CHODL: variants seen among roughly 807,000 people sequenced by gnomAD.
CHODL encodes transmembrane protein MT75.
Under a neutral mutation model 34.5 loss-of-function variants are expected in CHODL, and 29 were observed. The observed-to-expected ratio is 0.84, with a 90% CI of 0.63 to 1.15. CHODL has a LOEUF of 1.15. Ranked by LOEUF, CHODL falls within the 50% of genes most tolerant of loss-of-function variation. CHODL has a pLI of 0.00. For synonymous variants in CHODL, 125 were observed against 116.1 expected, an observed-to-expected ratio of 1.08 and a Z score of -0.49; for missense variants, 332 against 332.5, an observed-to-expected ratio of 1.00 and a Z score of 0.01.
At chr21:18,053,290 A>C (rs374758796) in intron 2 of CHODL, among the ~76,000 whole-genome samples, 4 of 152,090 alleles carry the variant, frequency 2.6e-5, no homozygotes. Context: ...AAAGAACCAT[A>C]GGATCTTTAC....
chr21:18,259,581 T>A (rs908857285), intron 3 of CHODL, among the ~76,000 whole-genome samples: 1 of 152,170 alleles, frequency 6.6e-6, no homozygotes, highest in Non-Finnish European at 1.5e-5. Flanking sequence ...TCTATAAAAC[T>A]AGGGAAAGAA....
intron 2 of CHODL, among the ~76,000 whole-genome samples, chr21:18,064,513 C>T (rs60328565): frequency 0.012 from 1,758 of 152,276 alleles, 38 homozygotes; most frequent in African/African-American, 0.039. Flanking sequence ...TGTCTGATTG[C>T]TTTGAACTGG....
chr21:18,248,819 A>G (rs1288438686), intron 1 of CHODL, among the ~76,000 whole-genome samples: 2 of 118,536 alleles, frequency 1.7e-5, no homozygotes, highest in African/African-American at 7.2e-5. Flanking sequence ...TATGTATATT[A>G]TATATGTATG....
rs150066475 is a variant in CHODL at position 17,929,515 on chromosome 21, A to G, written c.-145+12115A>G. On this transcript the variant is annotated intron_variant, in intron 1 of 6. Coordinates refer to the CHODL transcript ENST00000400127. The stretch of plus-strand genomic sequence containing the variant: ...CGGAATTCATCAGAGAAGTGATGGG[A>G]ATTATGGAAAGCAAAGAAAGGTGAA... Among the ~76,000 whole-genome samples the G allele has an allele frequency of 7.6e-3, 1,155 of 152,306 alleles. 18 individuals are homozygous for G. Among genetic ancestry groups the G allele is most frequent in the African/African-American group, 0.026 (1,075 of 41,558 alleles).
At position 18,176,286 on chromosome 21, in the gene CHODL, C is replaced by T. The variant is rs558898932; in HGVS notation, c.-44-80223C>T. 6.6e-5 allele frequency among the ~76,000 whole-genome samples: 10 copies of T among 152,208 alleles called. No individual in the cohort carries two copies. In the East Asian group the frequency reaches 9.6e-4, roughly 15 times the overall value. ...AGTGTGAGGTCAGCTACTCTAGGTC[C>T]ATTATTAGGGATACAGTTAAGACCT... On this transcript the variant is annotated intron_variant, in intron 2 of 6. Coordinates refer to the CHODL transcript ENST00000400127.
chr21:18,043,380 G>A (rs73325238), intron 2 of CHODL, among the ~76,000 whole-genome samples: 7,574 of 151,990 alleles, frequency 0.05, 594 homozygotes, highest in African/African-American at 0.17. Flanking sequence ...ATGAATAGAG[G>A]ATATATATGC....
At chr21:18,191,016 G>C (rs560083048) in intron 2 of CHODL, among the ~76,000 whole-genome samples, 1 of 152,226 alleles carries the variant, frequency 6.6e-6, no homozygotes, top group African/African-American at 2.4e-5. Flanking sequence ...TGAGATATTT[G>C]TGTCAACCCA....
chr21:18,143,467 C>A lies in CHODL; in HGVS notation c.-44-113042C>A, dbSNP rs2205307. On this transcript the variant is annotated intron_variant, in intron 2 of 6. Coordinates refer to the CHODL transcript ENST00000400127. Reference sequence around the variant, plus strand: ...CTTGTCTATTTCTGTCAATGGGTACCGTTGAAAATAAATTGTGTTTAAAAA... The same window carrying A: ...CTTGTCTATTTCTGTCAATGGGTACAGTTGAAAATAAATTGTGTTTAAAAA... 7.2e-5 allele frequency among the ~76,000 whole-genome samples: 11 copies of A among 151,912 alleles called. 1 individual carries two copies. In the South Asian group the frequency reaches 2.3e-3, roughly 31 times the overall value.
At chr21:18,144,014 A>G (rs1047593358) in intron 2 of CHODL, among the ~76,000 whole-genome samples, 24 of 152,118 alleles carry the variant, frequency 1.6e-4, no homozygotes, top group African/African-American at 5.1e-4. Context: ...AGAACTTGCA[A>G]CATTGGTCTA....
At chr21:18,138,908 G>A (rs996994941) in intron 2 of CHODL, among the ~76,000 whole-genome samples, 2 of 152,136 alleles carry the variant, frequency 1.3e-5, no homozygotes, top group African/African-American at 2.4e-5. Flanking sequence ...ATTTCTTGGA[G>A]CAGGGCACTC....
At chr21:18,163,289 C>A (rs1235340038) in intron 2 of CHODL, among the ~76,000 whole-genome samples, 6 of 152,184 alleles carry the variant, frequency 3.9e-5, no homozygotes, top group Non-Finnish European at 8.8e-5. Flanking sequence ...TTTCTCTAAA[C>A]TTGCTTCTTA....
chr21:18,166,884 C>T (rs1399295922), intron 2 of CHODL, among the ~76,000 whole-genome samples: 1 of 152,036 alleles, frequency 6.6e-6, no homozygotes, highest in Non-Finnish European at 1.5e-5. Flanking sequence ...CCATCTTATA[C>T]TTTGAGTGTT....
At chr21:18,100,380 G>C (rs2065198489) in intron 2 of CHODL, among the ~76,000 whole-genome samples, 1 of 152,082 alleles carries the variant, frequency 6.6e-6, no homozygotes, top group South Asian at 2.1e-4. Context: ...GTGGTTGGTG[G>C]AGTAAATAAC....
intron 1 of CHODL, among the ~76,000 whole-genome samples, chr21:17,978,350 A>C (rs994037837): frequency 6.7e-6 from 1 of 149,706 alleles, no homozygotes; most frequent in Non-Finnish European, 1.5e-5. Flanking sequence ...TGAACCTGGC[A>C]GGCGGAGCTT....
intron 2 of CHODL, among the ~76,000 whole-genome samples, chr21:18,171,585 G>C (rs2073232610): frequency 6.6e-6 from 1 of 151,986 alleles, no homozygotes; most frequent in South Asian, 2.1e-4. Context: ...GATATCATTA[G>C]GGACAGTTTC....
At chr21:18,253,784 A>C (rs1046552077) in intron 1 of CHODL, among the ~76,000 whole-genome samples, 1 of 152,100 alleles carries the variant, frequency 6.6e-6, no homozygotes, top group Non-Finnish European at 1.5e-5. Context: ...ATGGTCATTC[A>C]TACTAATATG....
intron 2 of CHODL, among the ~76,000 whole-genome samples, chr21:18,046,270 A>G (rs994998292): frequency 6.6e-6 from 1 of 151,948 alleles, no homozygotes; most frequent in Non-Finnish European, 1.5e-5. Flanking sequence ...ATATTAAGCT[A>G]GAGAATTCTT....
At chr21:18,036,833 GA>G (rs2064317134) in intron 2 of CHODL, among the ~76,000 whole-genome samples, 1 of 151,896 alleles carries the variant, frequency 6.6e-6, no homozygotes, top group East Asian at 1.9e-4. Context: ...TATTAGCCAG[GA>G]AACTGGGTGG....
chr21:18,073,089 G>C (rs1221020341), intron 2 of CHODL, among the ~76,000 whole-genome samples: 2 of 152,112 alleles, frequency 1.3e-5, no homozygotes, highest in Non-Finnish European at 2.9e-5. Context: ...AACCATCTCA[G>C]TGAATCCTTG....
Sources: gnomAD v4.1 joint callset for allele counts (sites outside exome capture counted in the v4.1 genomes callset) on GRCh38, gnomAD v4.1.1 for gene constraint, MANE v1.5 for transcripts, NCBI Gene and HGNC (gene_info 2026-07-23, HGNC 2026-07-21) for gene names.